Variants in OR4C11 observed in about 807,000 individuals in gnomAD.
The protein encoded by OR4C11 is olfactory receptor family 4 subfamily C member 11, also known as olfactory receptor 4C11.
A neutral mutation model predicts 14.7 loss-of-function variants in OR4C11; 15 were observed. That is an observed-to-expected ratio of 1.02 (90% CI 0.68 to 1.58). The LOEUF (loss-of-function observed/expected upper bound fraction) is 1.58. OR4C11 is among the 40% of genes most tolerant of loss of function. The pLI, the probability that OR4C11 is intolerant of heterozygous loss-of-function variation, is 0.00. For missense variants in OR4C11, 473 were observed against 383.0 expected, an observed-to-expected ratio of 1.24 and a Z score of -1.96; for synonymous variants, 146 against 135.0, an observed-to-expected ratio of 1.08 and a Z score of -0.57.
At position 55,606,049 on chromosome 11, in the gene OR4C11, A is replaced by T. The variant is rs1306360597; in HGVS notation, c.-207+473T>A. Among the ~76,000 whole-genome samples, 2 of 138,270 alleles carry T rather than the reference A, an allele frequency of 1.4e-5. 1 individual carries two copies. Among genetic ancestry groups the T allele is most frequent in the Non-Finnish European group, 3.2e-5 (2 of 62,106 alleles). The allele number at this position is 138,270 out of a possible 152,430, so 90.7% of individuals were successfully genotyped here. ...CCTATAGACGCACTCATTCACAGAAACAAGGACAATCATTTTGCCTTTTTA... is the reference window on the plus strand; with the variant it reads ...CCTATAGACGCACTCATTCACAGAATCAAGGACAATCATTTTGCCTTTTTA... On this transcript the variant is annotated intron_variant, in intron 2 of 3. Transcript: ENST00000641580.
chr11:55,606,654 T>C lies in OR4C11; in HGVS notation c.-339A>G, dbSNP rs1431038858. The C allele has an allele frequency of 2.2e-5, 3 of 138,394 alleles. No individual in the cohort carries two copies. Among genetic ancestry groups the C allele is most frequent in the Admixed American group, 7.9e-5 (1 of 12,668 alleles). 8.6% of individuals were successfully genotyped at this position (138,394 alleles called of 1,614,324 possible). A position where few individuals can be genotyped will look rare whatever the true frequency, so the allele number is the denominator to read the frequency against. On this transcript the variant is annotated 5_prime_UTR_variant, in exon 2 of 4. Coordinates refer to ENST00000641580, the MANE Select transcript of OR4C11 (RefSeq NM_001004700.3). Reference sequence around the variant, plus strand: ...CTCACAAATTTGAGTAAGTCAGATATAGCAGTAGTGTTGAAACTCAGGGCT... The same window carrying C: ...CTCACAAATTTGAGTAAGTCAGATACAGCAGTAGTGTTGAAACTCAGGGCT...
Position 55,607,404 on chromosome 11 carries a change from T to A in OR4C11, c.-482A>T, listed in dbSNP as rs965713077. ...TGAATTTCCCCACCTCCCACCAGTG[T>A]CTTGTATATGTTAGTTCCTGGCTGT... On this transcript the variant is annotated 5_prime_UTR_variant, in exon 1 of 4. Coordinates refer to ENST00000641580, the MANE Select transcript of OR4C11 (RefSeq NM_001004700.3). 1.4e-5 allele frequency: 2 copies of A among 138,032 alleles called. No individual in the cohort carries two copies. Among genetic ancestry groups the A allele is most frequent in the African/African-American group, 5.0e-5 (2 of 39,754 alleles). 8.6% of individuals were successfully genotyped at this position (138,032 alleles called of 1,614,324 possible).
chr11:55,606,884 C>A (rs1201813850), intron 1 of OR4C11, among the ~76,000 whole-genome samples: 1 of 138,506 alleles, frequency 7.2e-6, no homozygotes, highest in Admixed American at 7.8e-5. Context: ...AAATAGACAT[C>A]ATTACACATT....
chr11:55,606,849 T>C (rs116503414), intron 1 of OR4C11, among the ~76,000 whole-genome samples, 170 bp from the exon 2 acceptor site: 2,350 of 138,668 alleles, frequency 0.017, 281 homozygotes, highest in African/African-American at 0.056. Context: ...AGAATAGACA[T>C]GAATAAGCAG....
chr11:55,604,485 C>T lies in OR4C11; in HGVS notation c.-44-68G>A, dbSNP rs1457140274. 6 of 467,668 alleles carry T rather than the reference C, an allele frequency of 1.3e-5. 1 individual carries two copies. Among genetic ancestry groups the T allele is most frequent in the Non-Finnish European group, 2.2e-5 (6 of 274,188 alleles). 29.0% of individuals were successfully genotyped at this position (467,668 alleles called of 1,614,324 possible). On this transcript the variant is annotated intron_variant, in intron 3 of 3. Transcript: ENST00000641580. ...AATACATATTCTTGCAATGAAATTGCAACTTTCCAATGGCTTATTATTGAC... is the reference window on the plus strand; with the variant it reads ...AATACATATTCTTGCAATGAAATTGTAACTTTCCAATGGCTTATTATTGAC...
Position 55,603,957 on chromosome 11 carries a change from G to A in OR4C11, c.417C>T (p.Cys139=), listed in dbSNP as rs1428255733. Residue 139 remains cysteine, a synonymous_variant, in exon 4 of 4, where the codon TGC becomes TGT. Transcript: ENST00000641580. ...TCCAGGCAAGAACAATCAGGATGAT[G>A]CAGACCTGCTGGCTCATGATGGTTG... ...RYPTIMSQQV[C]IILIVLAWIG... The A allele has an allele frequency of 1.1e-5, 17 of 1,489,714 alleles. 4 individuals are homozygous for A. The highest frequency in any genetic ancestry group is 1.6e-5 in the Non-Finnish European group (17 of 1,095,800). The allele number at this position is 1,489,714 out of a possible 1,614,324, so 92.3% of individuals were successfully genotyped here.
rs1252401040 is a variant in OR4C11 at position 55,607,520 on chromosome 11, T to C, written c.-598A>G. Reference sequence around the variant, plus strand: ...TACCAGCTTTGATAAGAGAGTATGCTATATTAGGATGTTCAATTGCCCTCT... The same window carrying C: ...TACCAGCTTTGATAAGAGAGTATGCCATATTAGGATGTTCAATTGCCCTCT... On this transcript the variant is annotated 5_prime_UTR_variant, in exon 1 of 4. In the 5' UTR this introduces an upstream ATG that the reference lacks. Coordinates refer to ENST00000641580, the MANE Select transcript of OR4C11 (RefSeq NM_001004700.3). 1 of 138,578 alleles carries C rather than the reference T, an allele frequency of 7.2e-6. No homozygotes were observed. The highest frequency in any genetic ancestry group is 1.6e-5 in the Non-Finnish European group (1 of 62,320). 8.6% of individuals were successfully genotyped at this position (138,578 alleles called of 1,614,324 possible).
rs1283220114 is a variant in OR4C11, at chr11:55,605,261, T to A, written c.-180A>T. The stretch of plus-strand genomic sequence containing the variant: ...ATTTTTCTGGGTTCTTCATAAAGTT[T>A]TCTTAAGAGACAAGTAGACACTGAG... On this transcript the variant is annotated 5_prime_UTR_variant, in exon 3 of 4. Transcript: ENST00000641580. 7.2e-6 allele frequency: 1 copy of A among 138,338 alleles called. No individual in the cohort carries two copies. Among genetic ancestry groups the A allele is most frequent in the Non-Finnish European group, 1.6e-5 (1 of 62,282 alleles). 8.6% of individuals were successfully genotyped at this position (138,338 alleles called of 1,614,324 possible). A position where few individuals can be genotyped will look rare whatever the true frequency, so the allele number is the denominator to read the frequency against.
chr11:55,604,188 AAAT>A lies in OR4C11; in HGVS notation c.183_185del (p.Phe62del), dbSNP rs1445935647. 1 of 1,479,046 alleles carries A rather than the reference AAAT, an allele frequency of 6.8e-7. No individual in the cohort carries two copies. The highest frequency in any genetic ancestry group is 1.4e-5 in the African/African-American group (1 of 72,608). The allele number at this position is 1,479,046 out of a possible 1,614,324, so 91.6% of individuals were successfully genotyped here. A position where few individuals can be genotyped will look rare whatever the true frequency, so the allele number is the denominator to read the frequency against. The stretch of plus-strand genomic sequence containing the variant: ...AGCAAGAATCTGCAAAGGACAAATA[AAAT>A]AGAAAGAAGTACATGGGGCTTCCTA... On this transcript the variant is annotated inframe_deletion, in exon 4 of 4. Coordinates refer to ENST00000641580, the MANE Select transcript of OR4C11 (RefSeq NM_001004700.3).
chr11:55,606,790 T>C (rs1316247887), intron 1 of OR4C11, 111 bp from the exon 2 acceptor site: 1 of 138,708 alleles, frequency 7.2e-6, no homozygotes, highest in African/African-American at 2.5e-5. Context: ...GTATTTGTCT[T>C]CTCTGAATTA....
intron 1 of OR4C11, among the ~76,000 whole-genome samples, chr11:55,607,012 G>A (rs1225384833): frequency 7.2e-6 from 1 of 137,950 alleles, no homozygotes; most frequent in Non-Finnish European, 1.6e-5. Context: ...ATGAATCAAA[G>A]AATTAAGAGA....
At position 55,602,830 on chromosome 11, in the gene OR4C11, A is replaced by C. The variant is rs1347111582; in HGVS notation, c.*611T>G. 7 of 139,216 alleles carry C rather than the reference A, an allele frequency of 5.0e-5. 3 individuals carry two copies. Among genetic ancestry groups the C allele is most frequent in the Non-Finnish European group, 1.1e-4 (7 of 62,422 alleles). The allele number at this position is 139,216 out of a possible 1,614,324, so 8.6% of individuals were successfully genotyped here. ...ATAAAATGTAAATGGGCATCTTGAT[A>C]TACTGAGTTAGTTCCTTTTCCCTAG... On this transcript the variant is annotated 3_prime_UTR_variant, in exon 4 of 4. Transcript: ENST00000641580.
rs746715096 is a variant in OR4C11, at chr11:55,605,839, C to G, written c.-206-552G>C. On this transcript the variant is annotated intron_variant, in intron 2 of 3. Coordinates refer to ENST00000641580, the MANE Select transcript of OR4C11 (RefSeq NM_001004700.3). ...TAAAATTCCAGTTAGATAATTTTCA[C>G]CTATCAGGTTAATAAAGTAATCCTT... Among the ~76,000 whole-genome samples, 20 of 138,516 alleles carry G rather than the reference C, an allele frequency of 1.4e-4. 2 individuals carry two copies. Among genetic ancestry groups the G allele is most frequent in the Non-Finnish European group, 2.6e-4 (16 of 62,192 alleles). The allele number at this position is 138,516 out of a possible 152,430, so 90.9% of individuals were successfully genotyped here. A position where few individuals can be genotyped will look rare whatever the true frequency, so the allele number is the denominator to read the frequency against.
At position 55,607,475 on chromosome 11, in the gene OR4C11, T is replaced by G. The variant is rs1857977393; in HGVS notation, c.-553A>C. On this transcript the variant is annotated 5_prime_UTR_variant, in exon 1 of 4. Coordinates refer to ENST00000641580, the MANE Select transcript of OR4C11 (RefSeq NM_001004700.3). ...TCTCTGAATGTTAGATACGACTAAG[T>G]TATTCTCCTATACAGACCTTACCAG... The G allele has an allele frequency of 7.2e-6, 1 of 138,748 alleles. No individual in the cohort carries two copies. The highest frequency in any genetic ancestry group is 7.8e-5 in the Admixed American group (1 of 12,754). The allele number at this position is 138,748 out of a possible 1,614,324, so 8.6% of individuals were successfully genotyped here. A position where few individuals can be genotyped will look rare whatever the true frequency, so the allele number is the denominator to read the frequency against.
At position 55,605,275 on chromosome 11, in the gene OR4C11, G is replaced by A. The variant is rs893562971; in HGVS notation, c.-194C>T. The A allele has an allele frequency of 7.2e-6, 1 of 138,076 alleles. No homozygotes were observed. Among genetic ancestry groups the A allele is most frequent in the Non-Finnish European group, 1.6e-5 (1 of 62,156 alleles). 8.6% of individuals were successfully genotyped at this position (138,076 alleles called of 1,614,324 possible). ...TTCATAAAGTTTTCTTAAGAGACAA[G>A]TAGACACTGAGGCTAAAATGAGGAA... On this transcript the variant is annotated 5_prime_UTR_variant, in exon 3 of 4. Transcript: ENST00000641580.
rs560091014 is a variant in OR4C11 at position 55,603,505 on chromosome 11, G to A, written c.869C>T (p.Ala290Val). 2 of 1,472,152 alleles carry A rather than the reference G, an allele frequency of 1.4e-6. No homozygotes were observed. The highest frequency in any genetic ancestry group is 1.2e-5 in the South Asian group (1 of 82,370). The allele number at this position is 1,472,152 out of a possible 1,614,324, so 91.2% of individuals were successfully genotyped here. The change falls in exon 4 of 4, where the codon GCA (alanine) becomes GTA (valine). Residue 290 changes from alanine to valine, a missense_variant. Coordinates refer to ENST00000641580, the MANE Select transcript of OR4C11 (RefSeq NM_001004700.3). ...CTTTCTCATGGCATTTTTCACTTCTGCATTCCTCAGTGTGTAGATGAGTGG... is the reference window on the plus strand; with the variant it reads ...CTTTCTCATGGCATTTTTCACTTCTACATTCCTCAGTGTGTAGATGAGTGG... Reference protein sequence around the residue: ...LNPLIYTLRNAEVKNAMRKLW... With the variant: ...LNPLIYTLRNVEVKNAMRKLW...
chr11:55,603,144 A>T lies in OR4C11; in HGVS notation c.*297T>A. ...AATCAGATGCATTAGATTAGAGTGC[A>T]TAGAGATAGTCAGGCTTACACTTTA... On this transcript the variant is annotated 3_prime_UTR_variant, in exon 4 of 4. Transcript: ENST00000641580. 4.4e-6 allele frequency: 1 copy of T among 225,150 alleles called. No individual in the cohort carries two copies. Among genetic ancestry groups the T allele is most frequent in the Non-Finnish European group, 8.4e-6 (1 of 118,396 alleles). The allele number at this position is 225,150 out of a possible 1,614,324, so 13.9% of individuals were successfully genotyped here.
In OR4C11 at chr11:55,604,541, G is replaced by T. The variant is rs1047400661; in HGVS notation, c.-44-124C>A. 15 of 383,302 alleles carry T rather than the reference G, an allele frequency of 3.9e-5. 3 individuals carry two copies. The highest frequency in any genetic ancestry group is 5.9e-5 in the Non-Finnish European group (13 of 218,734). 23.7% of individuals were successfully genotyped at this position (383,302 alleles called of 1,614,324 possible). On this transcript the variant is annotated intron_variant, in intron 3 of 3. Transcript: ENST00000641580. ...TTTGTATTTTTTTCTGAGTGAAATG[G>T]AATTCATAGTAACTATTCAATATAT... is the stretch of plus-strand genomic sequence containing the variant.
At position 55,605,781 on chromosome 11, in the gene OR4C11, C is replaced by T. The variant is rs777428165; in HGVS notation, c.-206-494G>A. ...TAAAGATTATGCCTCTGGAAAGATG[C>T]TCAATTTCTTTCATAGTTAAATACA... On this transcript the variant is annotated intron_variant, in intron 2 of 3. Transcript: ENST00000641580. 3.3e-4 allele frequency among the ~76,000 whole-genome samples: 45 copies of T among 138,460 alleles called. 8 individuals are homozygous for T. The highest frequency in any genetic ancestry group is 1.7e-3 in the Admixed American group (22 of 12,690). 90.8% of individuals were successfully genotyped at this position (138,460 alleles called of 152,430 possible). A position where few individuals can be genotyped will look rare whatever the true frequency, so the allele number is the denominator to read the frequency against.
Sources: allele counts gnomAD v4.1 joint callset (sites outside exome capture counted in the v4.1 genomes callset), GRCh38; gene constraint gnomAD v4.1.1; transcripts MANE v1.5; gene names NCBI Gene and HGNC (gene_info 2026-07-23, HGNC 2026-07-21).